Variants in FRAS1 observed in about 807,000 individuals in gnomAD.
FRAS1 encodes Fraser extracellular matrix complex subunit 1, also known as extracellular matrix organizing protein FRAS1.
In FRAS1, 290 loss-of-function variants were observed where a neutral mutation model predicts 435.2. The observed-to-expected ratio is 0.67, with a 90% CI of 0.61 to 0.73. The LOEUF is 0.73. Ranked by LOEUF, FRAS1 falls within the 30% of genes least tolerant of loss-of-function variation. The probability of loss-of-function intolerance (pLI) is 0.00; values close to 1 mark genes in which losing one functional copy is unlikely to be tolerated. For missense variants in FRAS1, 4,860 were observed against 5,001.5 expected (o/e 0.97, Z 0.85); for synonymous variants, 1,800 against 1,851.0 (o/e 0.97, Z 0.71).
chr4:78,509,998 T>C (rs1034047909), intron 63 of FRAS1, among the ~76,000 whole-genome samples: 14 of 152,210 alleles, frequency 9.2e-5, no homozygotes, highest in Non-Finnish European at 1.9e-4. Flanking sequence ...ATGGGAGGCT[T>C]TGGATAATGC....
chr4:78,184,566 A>T (rs1403898602), intron 2 of FRAS1, among the ~76,000 whole-genome samples: 3 of 152,172 alleles, frequency 2.0e-5, no homozygotes, highest in African/African-American at 7.2e-5. Context: ...TGCAAATATC[A>T]ACTAAATTCT....
intron 2 of FRAS1, among the ~76,000 whole-genome samples, chr4:78,163,627 T>C (rs1250239789): frequency 6.6e-6 from 1 of 152,162 alleles, no homozygotes; most frequent in African/African-American, 2.4e-5. Context: ...TAAATGAAAA[T>C]TAGTTTTCCA....
intron 2 of FRAS1, among the ~76,000 whole-genome samples, chr4:78,138,429 C>T (rs989578664): frequency 3.9e-5 from 6 of 151,994 alleles, no homozygotes; most frequent in South Asian, 4.2e-4. Flanking sequence ...TAGGGATCAG[C>T]GATATTACTG....
At chr4:78,162,607 G>A (rs1251244942) in intron 2 of FRAS1, among the ~76,000 whole-genome samples, 3 of 152,178 alleles carry the variant, frequency 2.0e-5, no homozygotes, top group Non-Finnish European at 4.4e-5. Context: ...AGTTTTCACT[G>A]TAGAGACTCT....
intron 2 of FRAS1, among the ~76,000 whole-genome samples, chr4:78,073,426 G>A (rs983835513): frequency 1.3e-5 from 2 of 152,078 alleles, no homozygotes; most frequent in South Asian, 2.1e-4. Context: ...ACTATGTTAC[G>A]TTTTATCATA....
At position 78,241,561 on chromosome 4, in the gene FRAS1, G is replaced by C. The variant is rs202194989; in HGVS notation, c.217-3672G>C. ...GACTAGAGAGAGAAATTGAAGAGAT[G>C]GGAGTTAGAGGGGAGGAGAGACTGA... is the stretch of plus-strand genomic sequence containing the variant. On this transcript the variant is annotated intron_variant, in intron 3 of 73. Coordinates refer to ENST00000512123, the MANE Select transcript of FRAS1 (RefSeq NM_025074.7). Among the ~76,000 whole-genome samples the C allele has an allele frequency of 2.0e-5, 3 of 152,158 alleles. No individual in the cohort carries two copies. The East Asian group carries it at 5.8e-4, about 29-fold the overall frequency.
At chr4:78,186,207 C>T (rs1722260271) in intron 2 of FRAS1, among the ~76,000 whole-genome samples, 1 of 150,830 alleles carries the variant, frequency 6.6e-6, no homozygotes, top group African/African-American at 2.4e-5. Context: ...AGTTGAGAAA[C>T]AGCTGTTTGA....
At chr4:78,312,883 A>AGAGAGAGAGAGAGAG (rs1553943151) in intron 15 of FRAS1, among the ~76,000 whole-genome samples, 1 of 94,296 alleles carries the variant, frequency 1.1e-5, no homozygotes, top group African/African-American at 3.5e-5. Context: ...GAGAGAGAGA[A>AGAGAGAGAGAGAGAG]AGAAAGAAAG....
At chr4:78,529,720 T>C (rs537516743) in intron 70 of FRAS1, among the ~76,000 whole-genome samples, 12 of 152,238 alleles carry the variant, frequency 7.9e-5, no homozygotes, top group Non-Finnish European at 1.2e-4. Context: ...AGCTACTAAG[T>C]GACTAACAAA....
At chr4:78,451,977 G>A (rs953503849) in intron 46 of FRAS1, 86 bp downstream of exon 46, 44 of 1,405,214 alleles carry the variant, frequency 3.1e-5, no homozygotes, top group South Asian at 2.2e-4. Flanking sequence ...CTCGAGGCTC[G>A]AGTCCTTCCC....
At chr4:78,123,716 G>A (rs970071024) in intron 2 of FRAS1, among the ~76,000 whole-genome samples, 5 of 152,068 alleles carry the variant, frequency 3.3e-5, no homozygotes, top group Admixed American at 3.3e-4. Context: ...TGGATTCCTA[G>A]GTATTTTATT....
chr4:78,286,937 C>T (rs1028813718), intron 14 of FRAS1, among the ~76,000 whole-genome samples: 13 of 151,942 alleles, frequency 8.6e-5, no homozygotes, highest in Non-Finnish European at 2.9e-5. Flanking sequence ...AAGTAAATGT[C>T]TAAATAATTT....
rs77869232 is a variant in FRAS1 at position 78,461,194 on chromosome 4, G to T, written c.6764-2827G>T. Among the ~76,000 whole-genome samples the T allele has an allele frequency of 4.9e-3, 750 of 152,264 alleles. 14 individuals carry two copies. Among genetic ancestry groups the T allele is most frequent in the East Asian group, 0.046 (241 of 5,184 alleles). ...TCAAAAATATTGTGTTGTTTTTTCA[G>T]TGGTAAGTCTATGAATGATTTTTCT... On this transcript the variant is annotated intron_variant, in intron 47 of 73. Coordinates refer to ENST00000512123, the MANE Select transcript of FRAS1 (RefSeq NM_025074.7).
At chr4:78,451,042 T>C (rs1341382868) in intron 45 of FRAS1, among the ~76,000 whole-genome samples, 2 of 148,696 alleles carry the variant, frequency 1.3e-5, no homozygotes, top group African/African-American at 5.2e-5. Flanking sequence ...TGAATTCTCA[T>C]TGGAACTGGC....
At chr4:78,236,077 G>C (rs1405225023) in intron 2 of FRAS1, among the ~76,000 whole-genome samples, 2 of 152,188 alleles carry the variant, frequency 1.3e-5, no homozygotes, top group African/African-American at 4.8e-5. Flanking sequence ...CTGAGACTTA[G>C]AAGAAGCTTC....
chr4:78,328,421 T>G (rs1729802436), intron 18 of FRAS1, among the ~76,000 whole-genome samples: 1 of 152,202 alleles, frequency 6.6e-6, no homozygotes, highest in African/African-American at 2.4e-5. Context: ...TGTGCAAAAA[T>G]CTGTTGCTTC....
At chr4:78,437,127 A>G (rs182057845) in intron 38 of FRAS1, among the ~76,000 whole-genome samples, 2 of 152,334 alleles carry the variant, frequency 1.3e-5, no homozygotes, top group African/African-American at 2.4e-5. Flanking sequence ...CTGATTTCCT[A>G]CTTTTTCAAA....
At position 78,515,956 on chromosome 4, in the gene FRAS1, T is replaced by C. The variant is rs2109888830; in HGVS notation, c.10332T>C (p.Tyr3444=). 6.2e-7 allele frequency: 1 copy of C among 1,614,004 alleles called. No individual in the cohort carries two copies. Residue 3444 remains tyrosine (Y), a synonymous_variant, in exon 66 of 74, where the codon TAT becomes TAC. Transcript: ENST00000512123. ...GCTGCGTGTGGACCTTTGATGCTTA[T>C]TATGACATGACTGAGCTGATTGACG... ...LKSCVWTFDA[Y]YDMTELIDVC... is the part of the protein sequence containing the mutation.
At chr4:78,116,278 G>C (rs1214510932) in intron 2 of FRAS1, among the ~76,000 whole-genome samples, 1 of 152,156 alleles carries the variant, frequency 6.6e-6, no homozygotes, top group East Asian at 1.9e-4. Flanking sequence ...AATAGGTGTG[G>C]TGTGGTGCTG....
Sources: gnomAD v4.1 joint callset for allele counts (sites outside exome capture counted in the v4.1 genomes callset) on GRCh38, gnomAD v4.1.1 for gene constraint, MANE v1.5 for transcripts, NCBI Gene and HGNC (gene_info 2026-07-23, HGNC 2026-07-21) for gene names.